PLXND1: variants seen among roughly 807,000 people sequenced by gnomAD.
PLXND1 encodes the protein plexin-D1.
In PLXND1, 54 loss-of-function variants were observed where a neutral mutation model predicts 197.7. The observed-to-expected ratio is 0.27, with a 90% confidence interval of 0.22 to 0.34. The LOEUF (loss-of-function observed/expected upper bound fraction) is 0.34, where lower values mean the gene tolerates loss of function less well. Among genes scored for constraint, PLXND1 ranks in the 10% least tolerant of loss-of-function variants. PLXND1 has a pLI of 1.00. For missense variants in PLXND1, 2,127 were observed against 2,699.2 expected (o/e 0.79, Z 4.70); for synonymous variants, 1,180 against 1,161.2 (o/e 1.02, Z -0.33).
At chr3:129,566,865 G>T (rs1343495520) in intron 22 of PLXND1, among the ~76,000 whole-genome samples, 1 of 152,268 alleles carries the variant, frequency 6.6e-6, no homozygotes, top group East Asian at 1.9e-4. Flanking sequence ...AGCTCCATGT[G>T]CAATGGGGGA....
In PLXND1 at chr3:129,606,441, C is replaced by T; in HGVS notation, c.199G>A (p.Ala67Thr). ...GCCGCCAGGTACACGGTCCCCGCCG[C>T]GCCGTCCAGGGCGAAGTTGTTGGTG... ...TPTNNFALDGAAGTVYLAAVN... is the reference protein window; with the variant it reads ...TPTNNFALDGTAGTVYLAAVN... Residue 67 changes from alanine (A) to threonine (T), a missense_variant, in exon 1 of 36, where the codon GCG (alanine) becomes ACG (threonine). By Grantham distance (58) the Ala-to-Thr change is moderately conservative. Around this residue, in one of 6 missense-constraint regions of PLXND1, gnomAD observed 245 missense variants for 267.1 expected, o/e 0.92. Coordinates refer to ENST00000324093, the MANE Select transcript of PLXND1 (RefSeq NM_015103.3). 8.8e-6 allele frequency: 13 copies of T among 1,479,090 alleles called. No individual in the cohort carries two copies. The highest frequency in any genetic ancestry group is 1.2e-5 in the Non-Finnish European group (13 of 1,122,856). The allele number at this position is 1,479,090 out of a possible 1,614,324, so 91.6% of individuals were successfully genotyped here. A position where few individuals can be genotyped will look rare whatever the true frequency, so the allele number is the denominator to read the frequency against.
rs1027428736 is a variant in PLXND1 at position 129,603,339 on chromosome 3, G to A, written c.1311+1990C>T. ...GGGTGAGTCACTGCACCGAGGGAGC[G>A]GACCGTGGGAACCAGAATGGTTCTT... On this transcript the variant is annotated intron_variant, in intron 1 of 35. Transcript: ENST00000324093. 2.2e-4 allele frequency among the ~76,000 whole-genome samples: 34 copies of A among 152,138 alleles called. 2 individuals carry two copies. Among genetic ancestry groups the A allele is most frequent in the Admixed American group, 6.5e-5 (1 of 15,282 alleles).
At chr3:129,566,663 G>T in intron 22 of PLXND1, 32 bp from the exon 23 acceptor site, 1 of 1,353,550 alleles carries the variant, frequency 7.4e-7, no homozygotes. Context: ...ATCTCAGCGG[G>T]GCTGGACACC....
intron 8 of PLXND1, among the ~76,000 whole-genome samples, chr3:129,579,577 C>T (rs78154912): frequency 0.01 from 1,564 of 152,320 alleles, 31 homozygotes; most frequent in African/African-American, 0.035. Context: ...CTGCCTCCTC[C>T]TGCTCCCGAA....
intron 26 of PLXND1, 59 bp from the exon 27 acceptor site, chr3:129,563,002 C>T: frequency 6.2e-7 from 1 of 1,606,482 alleles, no homozygotes; most frequent in Non-Finnish European, 8.5e-7. Context: ...TATGTCAGTG[C>T]CCAGGCAGCA....
At chr3:129,584,585 T>G in intron 5 of PLXND1, 23 bp from the exon 6 acceptor site, 1 of 1,584,380 alleles carries the variant, frequency 6.3e-7, no homozygotes. Context: ...AGCCCTCAGC[T>G]CTGGGGGTCC....
chr3:129,571,820 G>A lies in PLXND1; in HGVS notation c.3102C>T (p.Cys1034=). 1 of 1,612,816 alleles carries A rather than the reference G, an allele frequency of 6.2e-7. No individual in the cohort carries two copies. The highest frequency in any genetic ancestry group is 1.1e-5 in the South Asian group (1 of 91,046). ...CCGGCAGGGCCCCCTCAGGCATGGTGCAGGCGATGCTGGTATCTGTGCGCC... is the reference window on the plus strand; with the variant it reads ...CCGGCAGGGCCCCCTCAGGCATGGTACAGGCGATGCTGGTATCTGTGCGCC... ...ELMRTDTSIA[C]TMPEGALPAP... Residue 1034 remains cysteine (C), a synonymous_variant, in exon 16 of 36, where the codon TGC becomes TGT. Transcript: ENST00000324093.
At position 129,558,679 on chromosome 3, in the gene PLXND1, G is replaced by A. The variant is rs1457776817; in HGVS notation, c.5298-104C>T. On this transcript the variant is annotated intron_variant, in intron 32 of 35. Transcript: ENST00000324093. The surrounding 1 kb of genome is among the most constrained non-coding windows in gnomAD (Gnocchi z 4.1). ...TGGCTTTGTCCCTCAAGGGCCTGAG[G>A]TTGGAGCCTTGTCACAAGATGTGAC... 1 of 1,148,716 alleles carries A rather than the reference G, an allele frequency of 8.7e-7. No individual in the cohort carries two copies. The highest frequency in any genetic ancestry group is 1.5e-5 in the African/African-American group (1 of 65,394). 71.2% of individuals were successfully genotyped at this position (1,148,716 alleles called of 1,614,324 possible). A position where few individuals can be genotyped will look rare whatever the true frequency, so the allele number is the denominator to read the frequency against.
chr3:129,571,966 G>C, intron 15 of PLXND1, 122 bp from the exon 16 acceptor site: 1 of 856,006 alleles, frequency 1.2e-6, no homozygotes. Flanking sequence ...TCCTTGACTG[G>C]TCCCAACTCA....
At chr3:129,592,947 C>T (rs1008927362) in intron 1 of PLXND1, among the ~76,000 whole-genome samples, 11 of 152,096 alleles carry the variant, frequency 7.2e-5, no homozygotes, top group African/African-American at 2.4e-4. Flanking sequence ...ATGCTGGCCT[C>T]GGCTGAACTT....
At chr3:129,560,958 C>T (rs772121098) in intron 29 of PLXND1, 52 of 650,892 alleles carry the variant, frequency 8.0e-5, no homozygotes, top group Non-Finnish European at 1.4e-4. Flanking sequence ...CTGGGAGAGA[C>T]GGAGAGAGAG....
At chr3:129,575,929 G>A in intron 9 of PLXND1, 74 bp from the exon 10 acceptor site, 1 of 838,698 alleles carries the variant, frequency 1.2e-6, no homozygotes, top group South Asian at 1.4e-5. Flanking sequence ...AACTCCAGCA[G>A]GACACCACGG....
chr3:129,555,728 GCGGGCAC>G lies in PLXND1; in HGVS notation c.*577_*583del. The G allele has an allele frequency of 2.0e-6, 1 of 508,880 alleles. No individual in the cohort carries two copies. The highest frequency in any genetic ancestry group is 3.4e-6 in the Non-Finnish European group (1 of 292,630). The allele number at this position is 508,880 out of a possible 1,614,324, so 31.5% of individuals were successfully genotyped here. On this transcript the variant is annotated 3_prime_UTR_variant, in exon 36 of 36. Transcript: ENST00000324093. Reference sequence around the variant, plus strand: ...AGAAGCCCACAGAGCACCCCATGGCGCGGGCACTGCCCACTCTACCAACAGCCGCCCA... The same window carrying G: ...AGAAGCCCACAGAGCACCCCATGGCGTGCCCACTCTACCAACAGCCGCCCA...
At chr3:129,578,822 G>A (rs2085349800) in intron 8 of PLXND1, among the ~76,000 whole-genome samples, 1 of 152,194 alleles carries the variant, frequency 6.6e-6, no homozygotes, top group African/African-American at 2.4e-5. Context: ...CCCACTCCCT[G>A]AGATGCCCCC....
intron 8 of PLXND1, among the ~76,000 whole-genome samples, chr3:129,582,367 G>A (rs2085399121): frequency 6.6e-6 from 1 of 152,260 alleles, no homozygotes; most frequent in Non-Finnish European, 1.5e-5. Flanking sequence ...TCCCCGGGAT[G>A]TGTGCCCAGA....
intron 1 of PLXND1, among the ~76,000 whole-genome samples, chr3:129,603,973 A>G (rs62267581): frequency 0.1 from 15,310 of 152,120 alleles, 969 homozygotes; most frequent in East Asian, 0.25. Context: ...CTGGGGCCTC[A>G]TTCCTCAGGG....
chr3:129,572,278 C>T (rs1482717813), intron 15 of PLXND1, among the ~76,000 whole-genome samples: 1 of 152,176 alleles, frequency 6.6e-6, no homozygotes, highest in Non-Finnish European at 1.5e-5. Flanking sequence ...AGGTGTTTCG[C>T]CAACAGACTC....
intron 1 of PLXND1, among the ~76,000 whole-genome samples, chr3:129,603,201 C>T (rs2085735522): frequency 6.6e-6 from 1 of 152,198 alleles, no homozygotes; most frequent in Non-Finnish European, 1.5e-5. Flanking sequence ...AAGGCCGCAG[C>T]CGGAATCTGT....
At position 129,564,836 on chromosome 3, in the gene PLXND1, C is replaced by A. The variant is rs138355147; in HGVS notation, c.4521+504G>T. Among the ~76,000 whole-genome samples the A allele has an allele frequency of 1.8e-3, 273 of 152,390 alleles. 4 individuals are homozygous for A. Among genetic ancestry groups the A allele is most frequent in the African/African-American group, 6.3e-3 (260 of 41,592 alleles). ...GCCTGGAGCACCCTCCCCACCACTC[C>A]TCGCCTGGCTCACTCTCTTAGGTCT... On this transcript the variant is annotated intron_variant, in intron 25 of 35. Coordinates refer to ENST00000324093, the MANE Select transcript of PLXND1 (RefSeq NM_015103.3).
Sources: allele counts gnomAD v4.1 joint callset (sites outside exome capture counted in the v4.1 genomes callset), GRCh38; gene constraint gnomAD v4.1.1; regional missense constraint gnomAD v4.1.1; non-coding constraint Gnocchi (gnomAD v3.1); transcripts MANE v1.5; gene names NCBI Gene and HGNC (gene_info 2026-07-23, HGNC 2026-07-21).